FAXC: variants seen among roughly 807,000 people sequenced by gnomAD.
FAXC encodes failed axon connections homolog.
Under a neutral mutation model 41.9 loss-of-function variants are expected in FAXC, and 10 were observed. That is an observed-to-expected ratio of 0.24 (90% CI 0.15 to 0.41). The LOEUF (loss-of-function observed/expected upper bound fraction) is 0.41, where lower values mean the gene tolerates loss of function less well. FAXC is among the 10% of genes least tolerant of loss of function. The pLI is 1.00. For synonymous variants in FAXC, 183 were observed against 183.8 expected, an observed-to-expected ratio of 1.00 and a Z score of 0.03; for missense variants, 399 against 510.9, an observed-to-expected ratio of 0.78 and a Z score of 2.11.
At chr6:99,294,261 A>G (rs1771376102) in intron 4 of FAXC, among the ~76,000 whole-genome samples, 1 of 152,220 alleles carries the variant, frequency 6.6e-6, no homozygotes, top group Non-Finnish European at 1.5e-5. Context: ...CAGATACCAT[A>G]AGAAGCAACT....
rs1770790207 is a variant in FAXC, at chr6:99,280,596, G to C, written c.*568C>G. On this transcript the variant is annotated 3_prime_UTR_variant, in exon 6 of 6. Transcript: ENST00000389677. ...CTCAAAATCACACAGCTAGTCACTG[G>C]CAGGGCTTAGAATAAAATGTATACT... The C allele has an allele frequency of 6.5e-6, 1 of 152,714 alleles. No homozygotes were observed. Among genetic ancestry groups the C allele is most frequent in the African/African-American group, 2.4e-5 (1 of 41,468 alleles). The allele number at this position is 152,714 out of a possible 1,614,324, so 9.5% of individuals were successfully genotyped here.
Position 99,349,496 on chromosome 6 carries a change from T to A in FAXC, c.-124A>T. ...CGCGGGCGGCGCGGGCGGCGGCGACTGAGGAGGCGGCGGCGACTGAGGAGG... is the reference window on the plus strand; with the variant it reads ...CGCGGGCGGCGCGGGCGGCGGCGACAGAGGAGGCGGCGGCGACTGAGGAGG... On this transcript the variant is annotated 5_prime_UTR_variant, in exon 1 of 6. Transcript: ENST00000389677. 1 of 669,236 alleles carries A rather than the reference T, an allele frequency of 1.5e-6. No homozygotes were observed. The highest frequency in any genetic ancestry group is 1.8e-6 in the Non-Finnish European group (1 of 543,618). The allele number at this position is 669,236 out of a possible 1,614,324, so 41.5% of individuals were successfully genotyped here.
intron 2 of FAXC, among the ~76,000 whole-genome samples, chr6:99,337,752 A>G (rs1176376715): frequency 1.3e-5 from 2 of 152,224 alleles, no homozygotes; most frequent in Non-Finnish European, 2.9e-5. Context: ...TCATATCTTG[A>G]TAGAGAAAAA....
intron 1 of FAXC, among the ~76,000 whole-genome samples, chr6:99,343,860 A>G (rs1254704427): frequency 1.3e-5 from 2 of 152,048 alleles, no homozygotes. Context: ...CTGCCTTCCC[A>G]GTATCCCCAC....
intron 4 of FAXC, among the ~76,000 whole-genome samples, chr6:99,296,826 C>T (rs1771516999): frequency 1.3e-5 from 2 of 152,134 alleles, no homozygotes; most frequent in Non-Finnish European, 2.9e-5. Context: ...GGGGGAGTAG[C>T]AGGGGCTGGT....
intron 4 of FAXC, among the ~76,000 whole-genome samples, chr6:99,297,160 C>A (rs1366528623): frequency 1.3e-5 from 2 of 152,170 alleles, no homozygotes; most frequent in Non-Finnish European, 2.9e-5. Context: ...CCAAGCTTGA[C>A]CAGCCCTTCC....
At chr6:99,289,484 A>AT (rs1179063013) in intron 5 of FAXC, among the ~76,000 whole-genome samples, 1 of 151,964 alleles carries the variant, frequency 6.6e-6, no homozygotes, top group Non-Finnish European at 1.5e-5. Flanking sequence ...GACCTCATTT[A>AT]TTTTTAAAAA....
Position 99,342,930 on chromosome 6 carries a change from T to C in FAXC, c.370A>G (p.Thr124Ala). The change falls in exon 2 of 6, where the codon ACT becomes GCT. Residue 124 changes from threonine (T) to alanine (A), a missense_variant. By Grantham distance (58) the Thr-to-Ala change is moderately conservative. This residue lies in a region of FAXC where 239 missense variants were observed against 352.7 expected (regional missense o/e 0.68). Transcript: ENST00000389677. ...SLSPFCLKMETYLRMADLPYQ... is the reference protein window; with the variant it reads ...SLSPFCLKMEAYLRMADLPYQ... ...GGTAAGTCAGCCATCCTTAAATAAGTTTCCATCTTTAAACAGAAAGGAGAT... is the reference window on the plus strand; with the variant it reads ...GGTAAGTCAGCCATCCTTAAATAAGCTTCCATCTTTAAACAGAAAGGAGAT... 1 of 1,608,974 alleles carries C rather than the reference T, an allele frequency of 6.2e-7. No individual in the cohort carries two copies. The highest frequency in any genetic ancestry group is 8.5e-7 in the Non-Finnish European group (1 of 1,178,776).
At chr6:99,290,138 T>C (rs201436056) in intron 5 of FAXC, among the ~76,000 whole-genome samples, 1,071 of 69,596 alleles carry the variant, frequency 0.015, 3 homozygotes, top group South Asian at 0.045. Context: ...CACACACACA[T>C]ACACACACCC....
At chr6:99,320,540 CACA>C (rs774402046) in intron 4 of FAXC, among the ~76,000 whole-genome samples, 25 of 152,198 alleles carry the variant, frequency 1.6e-4, no homozygotes, top group Non-Finnish European at 2.5e-4. Flanking sequence ...ATTCATCCCC[CACA>C]ACATCAACAG....
intron 3 of FAXC, among the ~76,000 whole-genome samples, chr6:99,324,135 A>C (rs917978435): frequency 3.9e-5 from 6 of 152,122 alleles, no homozygotes; most frequent in Non-Finnish European, 7.3e-5. Context: ...TTCATTAATT[A>C]AGCTGCACAT....
At chr6:99,312,987 T>C (rs1441541041) in intron 4 of FAXC, among the ~76,000 whole-genome samples, 1 of 152,214 alleles carries the variant, frequency 6.6e-6, no homozygotes, top group African/African-American at 2.4e-5. Context: ...TTAGCTTGCA[T>C]TTCTCTGATA....
At chr6:99,304,463 C>A (rs1435082380) in intron 4 of FAXC, among the ~76,000 whole-genome samples, 1 of 152,116 alleles carries the variant, frequency 6.6e-6, no homozygotes, top group Admixed American at 6.5e-5. Flanking sequence ...ACACAAACCC[C>A]ACGTTTCCCT....
chr6:99,340,459 G>A (rs945070705), intron 2 of FAXC, among the ~76,000 whole-genome samples: 2 of 151,948 alleles, frequency 1.3e-5, no homozygotes, highest in Non-Finnish European at 2.9e-5. Flanking sequence ...AAATGTGAGA[G>A]TATAATAACT....
At position 99,272,476 on chromosome 6, in the gene FAXC, AATT is replaced by A. The variant is rs1770447522; in HGVS notation, c.*8685_*8687del. The A allele has an allele frequency of 6.6e-6, 1 of 152,190 alleles. No individual in the cohort carries two copies. The highest frequency in any genetic ancestry group is 6.5e-5 in the Admixed American group (1 of 15,274). The allele number at this position is 152,190 out of a possible 1,614,324, so 9.4% of individuals were successfully genotyped here. On this transcript the variant is annotated 3_prime_UTR_variant, in exon 6 of 6. Transcript: ENST00000389677. ...AGGCATGAGCCACTGCACCCTGCCT[AATT>A]GAGACAATATTTATACAAGGGGAAA...
chr6:99,345,264 T>A (rs1773552812), intron 1 of FAXC, among the ~76,000 whole-genome samples: 1 of 152,178 alleles, frequency 6.6e-6, no homozygotes, highest in Admixed American at 6.5e-5. Context: ...TGGCCAAGTT[T>A]TATTGAATTT....
At position 99,337,559 on chromosome 6, in the gene FAXC, T is replaced by C. The variant is rs568832787; in HGVS notation, c.403-4012A>G. Among the ~76,000 whole-genome samples the C allele has an allele frequency of 2.0e-5, 3 of 152,318 alleles. No individual in the cohort carries two copies. The East Asian group carries it at 5.8e-4, about 29-fold the overall frequency. On this transcript the variant is annotated intron_variant, in intron 2 of 5. Coordinates refer to ENST00000389677, the MANE Select transcript of FAXC (RefSeq NM_032511.4). ...ACTTTCCACATACACTGTTTTGTAC[T>C]GTTTGGAATTTTTCTAAGGACCATA...
intron 5 of FAXC, among the ~76,000 whole-genome samples, chr6:99,285,950 C>T (rs1217466181): frequency 1.3e-5 from 2 of 152,356 alleles, no homozygotes; most frequent in East Asian, 3.9e-4. Context: ...AAGTAAGGTT[C>T]TCCCAGCTGC....
intron 5 of FAXC, 142 bp from the exon 6 acceptor site, chr6:99,281,595 G>GGTTT (rs1554197216): frequency 4.4e-6 from 3 of 676,360 alleles, no homozygotes; most frequent in African/African-American, 1.8e-5. Flanking sequence ...TTTAAGAGGT[G>GGTTT]GTTCGTTCAT....
Sources: gnomAD v4.1 joint callset for allele counts (sites outside exome capture counted in the v4.1 genomes callset) on GRCh38, gnomAD v4.1.1 for gene constraint, gnomAD v4.1.1 regional missense constraint, MANE v1.5 for transcripts, NCBI Gene and HGNC (gene_info 2026-07-23, HGNC 2026-07-21) for gene names.